KMT2C: variants seen among roughly 807,000 people sequenced by gnomAD.
The protein encoded by KMT2C is histone-lysine N-methyltransferase 2C.
KMT2C carries 88 observed loss-of-function variants against 507.9 expected under a neutral mutation model. That is an observed-to-expected ratio of 0.17 (90% CI 0.15 to 0.21). The LOEUF is 0.21. KMT2C is among the 10% of genes least tolerant of loss of function. The pLI is 1.00. For synonymous variants in KMT2C, 2,049 were observed against 2,080.8 expected (o/e 0.98, Z 0.42); for missense variants, 4,954 against 5,957.8 (o/e 0.83, Z 5.55).
Position 152,205,176 on chromosome 7 carries a change from T to C in KMT2C, c.3891A>G (p.Lys1297=). The C allele has an allele frequency of 6.2e-7, 1 of 1,611,730 alleles. No homozygotes were observed. The highest frequency in any genetic ancestry group is 8.5e-7 in the Non-Finnish European group (1 of 1,178,606). Residue 1297 remains lysine (K), a synonymous_variant, in exon 25 of 59, where the codon AAA becomes AAG. Transcript: ENST00000262189. ...VRQRSRTGQG[K]TKRSVIRKDS... ...CTTTTCTGATCACAGATCTTTTGGTTTTCCCTTGCCCAGTTCGACTTCTTT... is the reference window on the plus strand; with the variant it reads ...CTTTTCTGATCACAGATCTTTTGGTCTTCCCTTGCCCAGTTCGACTTCTTT...
chr7:152,164,352 C>T (rs1298932564), intron 42 of KMT2C, among the ~76,000 whole-genome samples: 2 of 150,248 alleles, frequency 1.3e-5, no homozygotes, highest in East Asian at 2.0e-4. Context: ...TGCAGTGGCG[C>T]GATCTCGGCT....
chr7:152,367,860 GAACTT>G, intron 1 of KMT2C: 2 of 1,034,034 alleles, frequency 1.9e-6, no homozygotes, highest in Non-Finnish European at 3.1e-6. Flanking sequence ...TTCAGGACAT[GAACTT>G]AAACCATTGG....
chr7:152,154,587 C>T, intron 46 of KMT2C, 142 bp from the exon 47 acceptor site: 1 of 616,164 alleles, frequency 1.6e-6, no homozygotes, highest in Admixed American at 3.0e-5. Context: ...TGAATCAGCT[C>T]AGAGCCACAC....
Position 152,180,610 on chromosome 7 carries a change from A to T in KMT2C, c.7149+101T>A. 3.2e-6 allele frequency: 3 copies of T among 926,624 alleles called. No individual in the cohort carries two copies. The South Asian group carries it at 5.5e-5, about 17-fold the overall frequency. 57.4% of individuals were successfully genotyped at this position (926,624 alleles called of 1,614,324 possible). On this transcript the variant is annotated intron_variant, in intron 36 of 58. Transcript: ENST00000262189. ...GTATGACAAACTCTACAGAATAAAA[A>T]AAATAAAACATTAACTCCTGTGTAG...
intron 58 of KMT2C, chr7:152,137,581 G>C (rs937900946): frequency 6.6e-6 from 1 of 152,206 alleles, no homozygotes; most frequent in African/African-American, 2.4e-5. Context: ...ACGCTAGCTG[G>C]AAAGACCTTC....
At position 152,163,312 on chromosome 7, in the gene KMT2C, T is replaced by C; in HGVS notation, c.10265A>G (p.Gln3422Arg). The C allele has an allele frequency of 6.2e-7, 1 of 1,614,216 alleles. No homozygotes were observed. Among genetic ancestry groups the C allele is most frequent in the Non-Finnish European group, 8.5e-7 (1 of 1,180,030 alleles). Residue 3422 changes from glutamine to arginine, a missense_variant, in exon 43 of 59, where the codon CAA (glutamine) becomes CGA (arginine). Coordinates refer to ENST00000262189, the MANE Select transcript of KMT2C (RefSeq NM_170606.3). The stretch of plus-strand genomic sequence containing the variant: ...TTCCATCCTCTGCTGCAAAGCTCTT[T>C]GTCTATCTACCTCCTGCATGAGTTG... The part of the protein sequence containing the change: ...RIQLMQEVDR[Q>R]RALQQRMEME...
intron 23 of KMT2C, among the ~76,000 whole-genome samples, chr7:152,208,451 T>G (rs924734639): frequency 1.3e-5 from 2 of 152,258 alleles, no homozygotes; most frequent in East Asian, 3.8e-4. Context: ...ATTGGTTCTT[T>G]AAAATCTGTG....
chr7:152,239,548 A>G (rs1462158894), intron 14 of KMT2C, among the ~76,000 whole-genome samples: 5 of 152,210 alleles, frequency 3.3e-5, no homozygotes, highest in Admixed American at 3.3e-4. Context: ...TAAAATGCCT[A>G]AAGTACCTGA....
chr7:152,304,549 C>T (rs893889749), intron 6 of KMT2C, among the ~76,000 whole-genome samples: 4 of 152,130 alleles, frequency 2.6e-5, no homozygotes, highest in East Asian at 3.8e-4. Context: ...AAATGTTCAA[C>T]GCCCCAGGAC....
intron 1 of KMT2C, among the ~76,000 whole-genome samples, chr7:152,427,897 G>A (rs977751986): frequency 6.6e-6 from 1 of 152,146 alleles, no homozygotes; most frequent in Admixed American, 6.6e-5. Context: ...CCTTTGCAGT[G>A]ACTGGAATCT....
intron 39 of KMT2C, among the ~76,000 whole-genome samples, chr7:152,173,268 C>T (rs551185829): frequency 6.6e-6 from 1 of 152,070 alleles, no homozygotes; most frequent in East Asian, 1.9e-4. Context: ...ATATTCAATT[C>T]TATAATCATC....
intron 23 of KMT2C, among the ~76,000 whole-genome samples, chr7:152,215,235 C>T (rs2094542969): frequency 1.3e-5 from 2 of 151,862 alleles, no homozygotes; most frequent in East Asian, 1.9e-4. Flanking sequence ...GAAAGAAAGC[C>T]GAGCGCGGTG....
In KMT2C at chr7:152,138,108, G is replaced by C. The variant is rs939917813; in HGVS notation, c.14643+688C>G. The stretch of plus-strand genomic sequence containing the variant: ...GCTCAGTGACAGCTTTCCAGGAAAT[G>C]CCAATTCCAGAACCAAGGTACCTGA... On this transcript the variant is annotated intron_variant, in intron 58 of 58. Coordinates refer to ENST00000262189, the MANE Select transcript of KMT2C (RefSeq NM_170606.3). This position sits in a 1 kb window ranked among gnomAD's most constrained non-coding sequence, Gnocchi z 4.2. 6.6e-6 allele frequency: 1 copy of C among 152,232 alleles called. No homozygotes were observed. Among genetic ancestry groups the C allele is most frequent in the Admixed American group, 6.5e-5 (1 of 15,284 alleles). 9.4% of individuals were successfully genotyped at this position (152,232 alleles called of 1,614,324 possible).
chr7:152,196,716 G>A (rs974538402), intron 27 of KMT2C, among the ~76,000 whole-genome samples: 3 of 152,160 alleles, frequency 2.0e-5, no homozygotes, highest in Admixed American at 6.5e-5. Context: ...AATAAGCTGC[G>A]GGGATGTTGT....
chr7:152,383,322 C>T (rs1271596404), intron 1 of KMT2C, among the ~76,000 whole-genome samples: 1 of 152,112 alleles, frequency 6.6e-6, no homozygotes, highest in African/African-American at 2.4e-5. Flanking sequence ...TCTTACAAAA[C>T]CTAAGCAACC....
intron 6 of KMT2C, among the ~76,000 whole-genome samples, chr7:152,282,158 G>A (rs1247895623): frequency 2.0e-5 from 3 of 152,168 alleles, no homozygotes; most frequent in East Asian, 1.9e-4. Flanking sequence ...TTAGCCAGGC[G>A]TGGTGGTGCA....
chr7:152,154,434 T>C lies in KMT2C; in HGVS notation c.11972A>G (p.His3991Arg), dbSNP rs778798067. The change falls in exon 47 of 59, where the codon CAC becomes CGC. Residue 3991 changes from histidine to arginine, a missense_variant. Coordinates refer to ENST00000262189, the MANE Select transcript of KMT2C (RefSeq NM_170606.3). ...GTCAGGAGTATCTCGATCACCACAG[T>C]GATCCTGTATCCTGAAAAAACATAA... ...NNQEELRIQD[H>R]CGDRDTPDSF... 6.2e-7 allele frequency: 1 copy of C among 1,613,150 alleles called. No individual in the cohort carries two copies. The highest frequency in any genetic ancestry group is 1.1e-5 in the South Asian group (1 of 91,080).
chr7:152,162,083 G>T, intron 43 of KMT2C, 34 bp downstream of exon 43: 1 of 1,497,582 alleles, frequency 6.7e-7, no homozygotes, highest in Non-Finnish European at 8.9e-7. Context: ...TAAAACAAAA[G>T]AAAAAAGTTG....
In KMT2C at chr7:152,250,923, C is replaced by T. The variant is rs552470432; in HGVS notation, c.1665G>A (p.Met555Ile). 1.2e-6 allele frequency: 2 copies of T among 1,610,408 alleles called. No homozygotes were observed. The highest frequency in any genetic ancestry group is 4.5e-5 in the East Asian group (2 of 44,806). Reference protein sequence around the residue: ...EMEVEGPEDQMVFSEQAANKD... With the variant: ...EMEVEGPEDQIVFSEQAANKD... Reference sequence around the variant, plus strand: ...TATTAGCTGCCTGCTCTGAGAATACCATTTGATCTTCAGGGCCTTCAACTT... The same window carrying T: ...TATTAGCTGCCTGCTCTGAGAATACTATTTGATCTTCAGGGCCTTCAACTT... Residue 555 changes from methionine to isoleucine, a missense_variant, in exon 12 of 59, where the codon ATG becomes ATA. Coordinates refer to ENST00000262189, the MANE Select transcript of KMT2C (RefSeq NM_170606.3).
Sources: gnomAD v4.1 joint callset for allele counts (sites outside exome capture counted in the v4.1 genomes callset) on GRCh38, gnomAD v4.1.1 for gene constraint, Gnocchi (gnomAD v3.1) non-coding constraint, MANE v1.5 for transcripts, NCBI Gene and HGNC (gene_info 2026-07-23, HGNC 2026-07-21) for gene names.